SLC35D4: variants seen among roughly 807,000 people sequenced by gnomAD.
SLC35D4 encodes UDP-N-acetylglucosamine transporter SLC35D4.
chr18:23,255,789 G>A, the SLC35D4 span, among the ~76,000 whole-genome samples: 1 of 151,896 alleles, frequency 6.6e-6, no homozygotes, highest in African/African-American at 2.4e-5. Flanking sequence ...TCGAACTCCT[G>A]GCCTCAAGCT....
At chr18:23,286,557 G>C in the SLC35D4 span, among the ~76,000 whole-genome samples, 6 of 151,904 alleles carry the variant, frequency 3.9e-5, no homozygotes, top group African/African-American at 4.8e-5. Flanking sequence ...CGGAAGCCCC[G>C]TAGACCATCA....
chr18:23,319,011 T>A, the SLC35D4 span, among the ~76,000 whole-genome samples: 10 of 151,092 alleles, frequency 6.6e-5, no homozygotes, highest in South Asian at 2.1e-3. Flanking sequence ...GCCTGGCTAA[T>A]TTTTATATTT....
chr18:23,258,784 G>A, the SLC35D4 span: 3 of 152,294 alleles, frequency 2.0e-5, no homozygotes, highest in South Asian at 2.1e-4. Context: ...GAGAAAGGGC[G>A]ATGGAACCGA....
At chr18:23,301,493 C>T in the SLC35D4 span, among the ~76,000 whole-genome samples, 4 of 152,114 alleles carry the variant, frequency 2.6e-5, no homozygotes, top group East Asian at 1.9e-4. Context: ...AGATTATATA[C>T]GATCATTTTC....
At chr18:23,404,020 A>G in the SLC35D4 span, among the ~76,000 whole-genome samples, 1 of 152,062 alleles carries the variant, frequency 6.6e-6, no homozygotes. Flanking sequence ...CGGGAGGCTC[A>G]GGCAGGAGAA....
chr18:23,259,619 G>A, the SLC35D4 span: 1 of 152,250 alleles, frequency 6.6e-6, no homozygotes, highest in Non-Finnish European at 1.5e-5. Context: ...TTATCAGGAG[G>A]TCTCCTTTTG....
chr18:23,306,877 G>A, the SLC35D4 span, among the ~76,000 whole-genome samples: 1 of 152,186 alleles, frequency 6.6e-6, no homozygotes, highest in Admixed American at 6.5e-5. Flanking sequence ...AACAACAAAT[G>A]TGAATTTTTC....
the SLC35D4 span, among the ~76,000 whole-genome samples, chr18:23,247,484 G>A: frequency 6.6e-6 from 1 of 152,226 alleles, no homozygotes; most frequent in South Asian, 2.1e-4. Flanking sequence ...CCACTTTGGG[G>A]GTTGCCTGGT....
the SLC35D4 span, among the ~76,000 whole-genome samples, chr18:23,273,608 CTGAA>C: frequency 0.2 from 29,679 of 151,770 alleles, 3,019 homozygotes; most frequent in African/African-American, 0.25. Flanking sequence ...CTGTGACTTC[CTGAA>C]TGAATGAATG....
the SLC35D4 span, among the ~76,000 whole-genome samples, chr18:23,290,174 C>A: frequency 1.3e-5 from 2 of 152,264 alleles, no homozygotes; most frequent in Admixed American, 6.5e-5. Flanking sequence ...TCCCTCCTGG[C>A]ACTTCCTCAG....
the SLC35D4 span, among the ~76,000 whole-genome samples, chr18:23,304,706 G>C: frequency 2.6e-5 from 4 of 152,058 alleles, no homozygotes; most frequent in Non-Finnish European, 2.9e-5. Context: ...CAGAGGAAGA[G>C]GGGGGAGGAA....
At chr18:23,400,732 A>G in the SLC35D4 span, among the ~76,000 whole-genome samples, 4 of 152,254 alleles carry the variant, frequency 2.6e-5, no homozygotes, top group African/African-American at 9.6e-5. Context: ...ATATAACATA[A>G]TAATCCCAAC....
the SLC35D4 span, among the ~76,000 whole-genome samples, chr18:23,433,704 A>G: frequency 2.1e-4 from 32 of 152,196 alleles, no homozygotes; most frequent in Non-Finnish European, 4.1e-4. Context: ...CTTTCAAACA[A>G]TAGAAGGGGG....
the SLC35D4 span, among the ~76,000 whole-genome samples, chr18:23,432,680 CAAA>C: frequency 1.4e-4 from 11 of 80,270 alleles, no homozygotes; most frequent in Non-Finnish European, 5.2e-5. Context: ...GACTCCTTCT[CAAA>C]AAAAAAAAAA....
chr18:23,279,618 A>T, the SLC35D4 span, among the ~76,000 whole-genome samples: 50 of 152,250 alleles, frequency 3.3e-4, no homozygotes, highest in Admixed American at 4.6e-4. Context: ...GAGAAGGAAG[A>T]CAACATGAAG....
the SLC35D4 span, chr18:23,253,047 A>G: frequency 6.2e-7 from 1 of 1,612,224 alleles, no homozygotes. Context: ...CATTAAGCTG[A>G]CACTCAGCAA....
the SLC35D4 span, among the ~76,000 whole-genome samples, chr18:23,300,362 G>A: frequency 6.6e-6 from 1 of 152,092 alleles, no homozygotes; most frequent in Non-Finnish European, 1.5e-5. Flanking sequence ...GGTTTGGGAG[G>A]GTTTTATTTC....
chr18:23,285,930 C>T, the SLC35D4 span, among the ~76,000 whole-genome samples: 7 of 152,104 alleles, frequency 4.6e-5, no homozygotes, highest in South Asian at 1.2e-3. Flanking sequence ...GGCGTTTAGG[C>T]TCTTTTTCAT....
At chr18:23,388,987 CTTTTTTTT>C in the SLC35D4 span, among the ~76,000 whole-genome samples, 4 of 126,194 alleles carry the variant, frequency 3.2e-5, no homozygotes, top group East Asian at 6.6e-4. Flanking sequence ...TCAAGTAGTT[CTTTTTTTT>C]TTTTTTTTTT....
Sources: gnomAD v4.1 joint callset for allele counts (sites outside exome capture counted in the v4.1 genomes callset) on GRCh38, gnomAD v4.1.1 for gene constraint, MANE v1.5 for transcripts, NCBI Gene and HGNC (gene_info 2026-07-23, HGNC 2026-07-21) for gene names.